Variants in STAB1 observed in about 807,000 individuals in gnomAD.
The protein encoded by STAB1 is stabilin-1.
A neutral mutation model predicts 332.4 loss-of-function variants in STAB1; 250 were observed. The ratio of observed to expected loss-of-function variants is 0.75; its 90% CI spans 0.68 to 0.84. The LOEUF is 0.84. Ranked by LOEUF, STAB1 falls within the 40% of genes least tolerant of loss-of-function variation. STAB1 has a pLI of 0.00. For missense variants in STAB1, 3,249 were observed against 3,489.7 expected (o/e 0.93, Z 1.74); for synonymous variants, 1,475 against 1,390.4 (o/e 1.06, Z -1.35).
rs772205492 is a variant in STAB1 at position 52,506,151 on chromosome 3, A to G, written c.1750-19A>G. On this transcript the variant is annotated intron_variant, in intron 16 of 68. Coordinates refer to ENST00000321725, the MANE Select transcript of STAB1 (RefSeq NM_015136.3). ...TATGGCCAGAGCCCAGCCTAAAGCC[A>G]CACTGTCCCTTGCCCCAGCTGACCG... 7.5e-6 allele frequency: 12 copies of G among 1,606,554 alleles called. No individual in the cohort carries two copies. Among genetic ancestry groups the G allele is most frequent in the Non-Finnish European group, 1.0e-5 (12 of 1,176,678 alleles).
At position 52,517,902 on chromosome 3, in the gene STAB1, T is replaced by C; in HGVS notation, c.4660T>C (p.Tyr1554His). 1.2e-6 allele frequency: 2 copies of C among 1,611,872 alleles called. No individual in the cohort carries two copies. Among genetic ancestry groups the C allele is most frequent in the Non-Finnish European group, 1.7e-6 (2 of 1,179,676 alleles). ...TCAGAACAATGGAGGATGCAGCCCA[T>C]ATGCCACCTGCAAAAGCACAGGGGA... is the stretch of plus-strand genomic sequence containing the variant. ...CSKNNGGCSP[Y>H]ATCKSTGDGQ... is the part of the protein sequence containing the mutation. Residue 1554 changes from tyrosine (Y) to histidine (H), a missense_variant, in exon 45 of 69, where the codon TAT (tyrosine) becomes CAT (histidine). Coordinates refer to ENST00000321725, the MANE Select transcript of STAB1 (RefSeq NM_015136.3).
chr3:52,505,740 G>A lies in STAB1; in HGVS notation c.1654G>A (p.Asp552Asn), dbSNP rs1169414216. 6.2e-7 allele frequency: 1 copy of A among 1,613,942 alleles called. No individual in the cohort carries two copies. The change falls in exon 15 of 69, where the codon GAC becomes AAC. Residue 552 changes from aspartate (D) to asparagine (N), a missense_variant. Asp to Asn is a conservative substitution (Grantham distance 23). Transcript: ENST00000321725. ...CTTTGCCCCAAGCAATGAGGCTGTG[G>A]ACAGCTTGCGTGACGGCCGCCTGAT... ...TVFAPSNEAV[D>N]SLRDGRLIYL...
chr3:52,518,083 G>T (rs2078935273), intron 45 of STAB1, 80 bp downstream of exon 45: 1 of 1,535,518 alleles, frequency 6.5e-7, no homozygotes, highest in East Asian at 2.3e-5. Context: ...GCAAAGATCC[G>T]ATTTGATCCT....
At position 52,505,020 on chromosome 3, in the gene STAB1, C is replaced by G. The variant is rs1262633243; in HGVS notation, c.1395C>G (p.Tyr465Ter). 5.0e-6 allele frequency: 8 copies of G among 1,613,698 alleles called. No individual in the cohort carries two copies. The highest frequency in any genetic ancestry group is 6.8e-6 in the Non-Finnish European group (8 of 1,179,996). ...CTCACCAGAAATACTCCTACAAGTA[C>G]AAAGACCAGCCCCAGCAGACGTTCA... ...FNQFTKYSYK[Y>*]KDQPQQTFNI... The change falls in exon 13 of 69, where the codon TAC (tyrosine) becomes TAG (stop). Residue 465 changes from tyrosine (Y) to a stop codon, truncating the protein, a stop_gained. Coordinates refer to ENST00000321725, the MANE Select transcript of STAB1 (RefSeq NM_015136.3). LOFTEE classifies it high-confidence loss of function.
In STAB1 at chr3:52,507,617, C is replaced by T. The variant is rs774062122; in HGVS notation, c.1994C>T (p.Ser665Phe). The change falls in exon 19 of 69, where the codon TCC (serine) becomes TTC (phenylalanine). Residue 665 changes from serine to phenylalanine, a missense_variant. Ser to Phe is a radical substitution (Grantham distance 155, BLOSUM62 -2). Coordinates refer to ENST00000321725, the MANE Select transcript of STAB1 (RefSeq NM_015136.3). ...SEEQHKIVAG[S>F]CVDCQALNTS... is the part of the protein sequence containing the mutation. ...TCCTGCCCCTGCCCTGCCCAGGGCT[C>T]CTGTGTGGACTGCCAAGCCCTGAAC... 13 of 1,613,528 alleles carry T rather than the reference C, an allele frequency of 8.1e-6. No individual in the cohort carries two copies. In the South Asian group the frequency reaches 1.2e-4, roughly 15 times the overall value.
In STAB1 at chr3:52,515,451, G is replaced by A. The variant is rs765231140; in HGVS notation, c.3893G>A (p.Arg1298Gln). The stretch of plus-strand genomic sequence containing the variant: ...ACACCCAGGAAGAGCTGTGTCTACC[G>A]ATCTGGCTTCTCCTTCTCCCGGGGC... The part of the protein sequence containing the change: ...QDTPRKSCVY[R>Q]SGFSFSRGCS... Residue 1298 changes from arginine (R) to glutamine (Q), a missense_variant, in exon 37 of 69, where the codon CGA (arginine) becomes CAA (glutamine). Arg to Gln is a conservative substitution (Grantham distance 43, BLOSUM62 1). Coordinates refer to ENST00000321725, the MANE Select transcript of STAB1 (RefSeq NM_015136.3). 1.9e-5 allele frequency: 30 copies of A among 1,613,414 alleles called. No individual in the cohort carries two copies. The highest frequency in any genetic ancestry group is 3.3e-5 in the South Asian group (3 of 91,080).
rs756119204 is a variant in STAB1 at position 52,516,518 on chromosome 3, CAG to C, written c.4241-21_4241-20del. The C allele has an allele frequency of 5.8e-5, 93 of 1,613,306 alleles. No homozygotes were observed. In the Middle Eastern group the frequency reaches 8.2e-4, roughly 14 times the overall value. ...GAGGCTGTTCCTGGGTCTGAATGAC[CAG>C]AGTCATCCTCCTGCCCCCCAGAAAT... On this transcript the variant is annotated intron_variant, in intron 39 of 68. Coordinates refer to ENST00000321725, the MANE Select transcript of STAB1 (RefSeq NM_015136.3).
chr3:52,503,618 G>A (rs927667487), intron 8 of STAB1, 78 bp downstream of exon 8: 2 of 1,571,746 alleles, frequency 1.3e-6, no homozygotes, highest in African/African-American at 2.7e-5. Flanking sequence ...CAAGTCACAG[G>A]CCTTCTGGTA....
intron 25 of STAB1, among the ~76,000 whole-genome samples, chr3:52,511,142 G>A (rs1037318137): frequency 6.6e-6 from 1 of 152,224 alleles, no homozygotes; most frequent in Admixed American, 6.5e-5. Flanking sequence ...GGTGTTGAAT[G>A]AGCCAGTGAG....
chr3:52,523,730 A>G lies in STAB1; in HGVS notation c.7369A>G (p.Ser2457Gly). Reference protein sequence around the residue: ...AFNGIIHALASPLLAPPQPQA... With the variant: ...AFNGIIHALAGPLLAPPQPQA... The stretch of plus-strand genomic sequence containing the variant: ...CAATGGCATCATCCATGCTCTGGCC[A>G]GCCCCCTCCTGGCACCCCCACAGCC... Residue 2457 changes from serine (S) to glycine (G), a missense_variant, in exon 66 of 69, where the codon AGC becomes GGC. By Grantham distance (56) the Ser-to-Gly change is moderately conservative. Coordinates refer to ENST00000321725, the MANE Select transcript of STAB1 (RefSeq NM_015136.3). 1 of 1,600,336 alleles carries G rather than the reference A, an allele frequency of 6.2e-7. No individual in the cohort carries two copies. The highest frequency in any genetic ancestry group is 1.1e-5 in the South Asian group (1 of 90,888).
rs2153234064 is a variant in STAB1, at chr3:52,520,007, A to G, written c.5299A>G (p.Thr1767Ala). The change falls in exon 51 of 69, where the codon ACA becomes GCA. Residue 1767 changes from threonine to alanine, a missense_variant. Transcript: ENST00000321725. ...SHRPFTMLWPTDAAFRALPPD... is the reference protein window; with the variant it reads ...SHRPFTMLWPADAAFRALPPD... ...TAGGCCCTTCACAATGCTGTGGCCC[A>G]CAGACGCCGCCTTTCGAGCTCTGCC... 1 of 1,612,132 alleles carries G rather than the reference A, an allele frequency of 6.2e-7. No homozygotes were observed. Among genetic ancestry groups the G allele is most frequent in the Non-Finnish European group, 8.5e-7 (1 of 1,179,780 alleles).
intron 1 of STAB1, among the ~76,000 whole-genome samples, chr3:52,495,777 C>T (rs1239901935): frequency 6.6e-6 from 1 of 152,238 alleles, no homozygotes; most frequent in Non-Finnish European, 1.5e-5. Context: ...CAGGCCTGTC[C>T]TGCCCTTCTG....
In STAB1 at chr3:52,504,891, T is replaced by A; in HGVS notation, c.1377+15T>A. 1 of 1,613,486 alleles carries A rather than the reference T, an allele frequency of 6.2e-7. No homozygotes were observed. Among genetic ancestry groups the A allele is most frequent in the Non-Finnish European group, 8.5e-7 (1 of 1,179,982 alleles). ...ACCAATTCACGGTGAGGGAGGAGCC[T>A]CAGCCTGGGGACAAGAGGAGTCACA... On this transcript the variant is annotated intron_variant, in intron 12 of 68. Transcript: ENST00000321725.
At chr3:52,507,702 G>A (rs1473197268) in intron 19 of STAB1, 27 bp downstream of exon 19, 2 of 1,613,270 alleles carry the variant, frequency 1.2e-6, no homozygotes, top group Non-Finnish European at 1.7e-6. Flanking sequence ...CCAGCTCTCA[G>A]GGCCTCCTGA....
intron 1 of STAB1, among the ~76,000 whole-genome samples, chr3:52,497,982 G>A (rs1708168322): frequency 6.6e-6 from 1 of 152,180 alleles, no homozygotes; most frequent in African/African-American, 2.4e-5. Flanking sequence ...GTGGCTAGGT[G>A]TGTGCAGTGG....
rs776276281 is a variant in STAB1, at chr3:52,522,875, T to C, written c.6845T>C (p.Ile2282Thr). 2 of 1,613,250 alleles carry C rather than the reference T, an allele frequency of 1.2e-6. No homozygotes were observed. Among genetic ancestry groups the C allele is most frequent in the East Asian group, 2.2e-5 (1 of 44,874 alleles). ...VADCGNGRVG[I>T]VSLGARKNLS... Reference sequence around the variant, plus strand: ...GACTGTGGCAATGGTCGGGTGGGCATAGTCAGCCTGGGTGCCCGCAAGAAC... The same window carrying C: ...GACTGTGGCAATGGTCGGGTGGGCACAGTCAGCCTGGGTGCCCGCAAGAAC... Residue 2282 changes from isoleucine (I) to threonine (T), a missense_variant, in exon 62 of 69, where the codon ATA becomes ACA. Physicochemically the swap from Ile to Thr is moderately conservative, Grantham distance 89. Coordinates refer to ENST00000321725, the MANE Select transcript of STAB1 (RefSeq NM_015136.3).
At chr3:52,501,928 T>G (rs1708477686) in intron 3 of STAB1, 78 bp from the exon 4 acceptor site, 1 of 1,564,654 alleles carries the variant, frequency 6.4e-7, no homozygotes, top group Non-Finnish European at 8.8e-7. Flanking sequence ...GGGCCGAGTC[T>G]GGGGTTGGCC....
Position 52,521,622 on chromosome 3 carries a change from T to C in STAB1, c.6085T>C (p.Cys2029Arg), listed in dbSNP as rs2079074968. Reference protein sequence around the residue: ...QACRCTVHGRCDEGLGGSGSC... With the variant: ...QACRCTVHGRRDEGLGGSGSC... ...CTGCCGCTGCACTGTGCATGGCCGC[T>C]GTGATGAGGGCCTTGGGGGCTCTGG... Residue 2029 changes from cysteine (C) to arginine (R), a missense_variant, in exon 57 of 69, where the codon TGT (cysteine) becomes CGT (arginine). Physicochemically the swap from Cys to Arg is radical, Grantham distance 180 (BLOSUM62 -3). Transcript: ENST00000321725. The C allele has an allele frequency of 6.2e-7, 1 of 1,612,970 alleles. No homozygotes were observed. The highest frequency in any genetic ancestry group is 8.5e-7 in the Non-Finnish European group (1 of 1,179,872).
chr3:52,495,533 C>A, intron 1 of STAB1, 42 bp downstream of exon 1: 1 of 1,286,200 alleles, frequency 7.8e-7, no homozygotes, highest in Non-Finnish European at 9.9e-7. Flanking sequence ...CGTCTGGGCC[C>A]TGCCGGCCAG....
Sources: gnomAD v4.1 joint callset for allele counts (sites outside exome capture counted in the v4.1 genomes callset) on GRCh38, gnomAD v4.1.1 for gene constraint, MANE v1.5 for transcripts, NCBI Gene and HGNC (gene_info 2026-07-23, HGNC 2026-07-21) for gene names.